Variants in PI4KA observed in about 807,000 individuals in gnomAD.
PI4KA encodes phosphatidylinositol 4-kinase alpha.
Under a neutral mutation model 271.4 loss-of-function variants are expected in PI4KA, and 122 were observed. The ratio of observed to expected loss-of-function variants is 0.45; its 90% CI spans 0.39 to 0.52. PI4KA has a LOEUF of 0.52. Among genes scored for constraint, PI4KA ranks in the 20% least tolerant of loss-of-function variants. The pLI is 0.00. For missense variants in PI4KA, 1,969 were observed against 2,769.1 expected (o/e 0.71, Z 6.48); for synonymous variants, 1,041 against 1,078.8 (o/e 0.96, Z 0.69).
At position 20,833,666 on chromosome 22, in the gene PI4KA, T is replaced by G. The variant is rs530503911; in HGVS notation, c.367+896A>C. On this transcript the variant is annotated intron_variant, in intron 3 of 54. Transcript: ENST00000255882. ...GTTTTGGTTTGTTTTTGTTTTTTTTTTTTTTTTTTTTTGAGACGGAGTCTC... is the reference window on the plus strand; with the variant it reads ...GTTTTGGTTTGTTTTTGTTTTTTTTGTTTTTTTTTTTTGAGACGGAGTCTC... Among the ~76,000 whole-genome samples the G allele has an allele frequency of 2.1e-3, 312 of 148,752 alleles. 1 individual carries two copies. Among genetic ancestry groups the G allele is most frequent in the African/African-American group, 7.2e-3 (293 of 40,582 alleles).
intron 25 of PI4KA, among the ~76,000 whole-genome samples, chr22:20,752,647 G>A (rs557506646): frequency 3.9e-5 from 6 of 152,238 alleles, no homozygotes. Context: ...GGGACTGAGA[G>A]ACACAGGGAT....
chr22:20,785,759 A>C (rs1048497889), intron 19 of PI4KA, among the ~76,000 whole-genome samples: 1 of 152,240 alleles, frequency 6.6e-6, no homozygotes, highest in Admixed American at 6.5e-5. Context: ...TGAAGATAGG[A>C]AACGAACCAT....
At chr22:20,795,135 A>C (rs911148404) in intron 18 of PI4KA, among the ~76,000 whole-genome samples, 1 of 152,164 alleles carries the variant, frequency 6.6e-6, no homozygotes, top group Non-Finnish European at 1.5e-5. Context: ...TTTTCTTTAA[A>C]TAATCTGATC....
At chr22:20,843,623 T>A (rs1453880239) in intron 1 of PI4KA, among the ~76,000 whole-genome samples, 1 of 152,156 alleles carries the variant, frequency 6.6e-6, no homozygotes, top group Non-Finnish European at 1.5e-5. Flanking sequence ...TGAAGAAGTG[T>A]AGGTCTAAGG....
intron 45 of PI4KA, among the ~76,000 whole-genome samples, chr22:20,717,301 C>A (rs1429068635): frequency 6.6e-6 from 1 of 152,202 alleles, no homozygotes; most frequent in East Asian, 1.9e-4. Context: ...GAGCGACTTC[C>A]CATGGAGGCG....
chr22:20,771,332 A>G (rs1254122792), intron 19 of PI4KA, among the ~76,000 whole-genome samples: 2 of 151,672 alleles, frequency 1.3e-5, no homozygotes, highest in Non-Finnish European at 2.9e-5. Context: ...CTGAGGCAGG[A>G]GAATGGCGTG....
At chr22:20,771,461 T>C (rs1932870544) in intron 19 of PI4KA, among the ~76,000 whole-genome samples, 1 of 150,882 alleles carries the variant, frequency 6.6e-6, no homozygotes, top group Non-Finnish European at 1.5e-5. Context: ...TACCACTAAA[T>C]GGGAAAATGA....
Position 20,714,116 on chromosome 22 carries a change from G to A in PI4KA, c.5461+342C>T, listed in dbSNP as rs931488061. Among the ~76,000 whole-genome samples the A allele has an allele frequency of 5.9e-5, 9 of 152,180 alleles. 1 individual carries two copies. In the East Asian group the frequency reaches 9.6e-4, roughly 16 times the overall value. On this transcript the variant is annotated intron_variant, in intron 47 of 54. Coordinates refer to ENST00000255882, the MANE Select transcript of PI4KA (RefSeq NM_058004.4). ...TGCCCAGAGCCTTCAGAGGGGGCAC[G>A]GCCCTGATGATGGACTCCAGCCTCC...
intron 19 of PI4KA, among the ~76,000 whole-genome samples, chr22:20,792,717 G>A (rs1934727356): frequency 6.6e-6 from 1 of 152,196 alleles, no homozygotes; most frequent in South Asian, 2.1e-4. Flanking sequence ...CCACACAGGA[G>A]GCAGGGACTG....
intron 32 of PI4KA, among the ~76,000 whole-genome samples, chr22:20,738,208 C>T (rs1053077022): frequency 5.3e-5 from 8 of 152,016 alleles, no homozygotes; most frequent in South Asian, 2.1e-4. Context: ...TTCCCAGGAT[C>T]GGGTCCCTCC....
intron 23 of PI4KA, among the ~76,000 whole-genome samples, chr22:20,760,313 T>G (rs4820588): frequency 0.39 from 59,133 of 152,000 alleles, 12,147 homozygotes; most frequent in African/African-American, 0.51. Context: ...AAAACTTAGG[T>G]CTAACATTTC....
intron 19 of PI4KA, among the ~76,000 whole-genome samples, chr22:20,777,470 G>C (rs1447991216): frequency 6.6e-6 from 1 of 151,938 alleles, no homozygotes; most frequent in Non-Finnish European, 1.5e-5. Context: ...CGCCCACCTC[G>C]GCCTCCCAAA....
chr22:20,834,749 C>T lies in PI4KA; in HGVS notation c.274-94G>A. On this transcript the variant is annotated intron_variant, in intron 2 of 54. Coordinates refer to ENST00000255882, the MANE Select transcript of PI4KA (RefSeq NM_058004.4). ...GATTAAGCCCAAAGCAAAGCATATC[C>T]ACATCCTAATCATCTCAGAGATTCT... 3 of 729,074 alleles carry T rather than the reference C, an allele frequency of 4.1e-6. 1 individual carries two copies. The highest frequency in any genetic ancestry group is 7.2e-6 in the Non-Finnish European group (3 of 416,912). The allele number at this position is 729,074 out of a possible 1,614,324, so 45.2% of individuals were successfully genotyped here.
chr22:20,808,837 C>G (rs768792380), intron 9 of PI4KA, among the ~76,000 whole-genome samples: 2 of 151,900 alleles, frequency 1.3e-5, no homozygotes, highest in Non-Finnish European at 2.9e-5. Context: ...TACCACCATG[C>G]CCAGCTAATA....
chr22:20,715,133 C>T (rs1259151510), intron 45 of PI4KA, among the ~76,000 whole-genome samples: 1 of 150,884 alleles, frequency 6.6e-6, no homozygotes, highest in South Asian at 2.1e-4. Context: ...TGCAGTGGTG[C>T]GATCTTGGCT....
chr22:20,750,829 T>C (rs1601404254), intron 27 of PI4KA, among the ~76,000 whole-genome samples: 1 of 152,310 alleles, frequency 6.6e-6, no homozygotes, highest in African/African-American at 2.4e-5. Context: ...AGAGACCCAG[T>C]ACATCCTCCT....
intron 42 of PI4KA, chr22:20,721,739 C>T (rs1926759856): frequency 3.6e-6 from 1 of 277,936 alleles, no homozygotes; most frequent in Admixed American, 4.4e-5. Context: ...CGAGAAAAAG[C>T]AGGCTGGGTA....
chr22:20,782,768 T>C (rs1428833337), intron 19 of PI4KA, among the ~76,000 whole-genome samples: 5 of 152,146 alleles, frequency 3.3e-5, no homozygotes, highest in Non-Finnish European at 7.3e-5. Context: ...CACCCTACCA[T>C]GCACAGGGCA....
At chr22:20,838,572 C>T in intron 2 of PI4KA, 43 bp downstream of exon 2, 1 of 1,080,954 alleles carries the variant, frequency 9.3e-7, no homozygotes, top group Non-Finnish European at 1.4e-6. Context: ...CTCACTACAC[C>T]CCCTTTTACA....
Sources: allele counts gnomAD v4.1 joint callset (sites outside exome capture counted in the v4.1 genomes callset), GRCh38; gene constraint gnomAD v4.1.1; transcripts MANE v1.5; gene names NCBI Gene and HGNC (gene_info 2026-07-23, HGNC 2026-07-21).